KCTD8: variants seen among roughly 807,000 people sequenced by gnomAD.
KCTD8 encodes potassium channel tetramerization domain containing 8, also known as BTB/POZ domain-containing protein KCTD8.
KCTD8 carries 27 observed loss-of-function variants against 31.5 expected under a neutral mutation model. The observed-to-expected ratio is 0.86, with a 90% CI of 0.63 to 1.18. KCTD8 has a LOEUF of 1.18. Among genes scored for constraint, KCTD8 ranks in the 50% most tolerant of loss-of-function variants. The pLI is 0.00. For synonymous variants in KCTD8, 290 were observed against 280.0 expected (o/e 1.04, Z -0.36); for missense variants, 658 against 647.7 (o/e 1.02, Z -0.17).
chr4:44,286,541 T>C (rs944595984), intron 1 of KCTD8, among the ~76,000 whole-genome samples: 2 of 152,052 alleles, frequency 1.3e-5, no homozygotes, highest in South Asian at 2.1e-4. Context: ...ACAAATGCAA[T>C]AGTCTCCTAA....
chr4:44,348,363 T>C (rs1719088058), intron 1 of KCTD8, among the ~76,000 whole-genome samples: 1 of 152,176 alleles, frequency 6.6e-6, no homozygotes, highest in Admixed American at 6.6e-5. Flanking sequence ...AATATAGGTG[T>C]AAATCAATTT....
chr4:44,196,874 A>G (rs1017725279), intron 1 of KCTD8, among the ~76,000 whole-genome samples: 6 of 152,216 alleles, frequency 3.9e-5, no homozygotes, highest in Non-Finnish European at 7.4e-5. Context: ...ATCCCTGAAT[A>G]GCCTAGTATC....
intron 1 of KCTD8, among the ~76,000 whole-genome samples, chr4:44,396,325 C>A (rs1173971242): frequency 6.6e-6 from 1 of 152,102 alleles, no homozygotes. Context: ...TCATCACTCA[C>A]CTCCTGCTTT....
Position 44,401,011 on chromosome 4 carries a change from C to CCTT in KCTD8, c.961+46551_961+46552insAAG, listed in dbSNP as rs1553905940. On this transcript the variant is annotated intron_variant, in intron 1 of 1. Coordinates refer to ENST00000360029, the MANE Select transcript of KCTD8 (RefSeq NM_198353.3). The stretch of plus-strand genomic sequence containing the variant: ...ACTACCATGATGGCTAATTTTCTTT[C>CCTT]TTTTTTTTTTTTTTTTTTTTTTGTA... 7.5e-4 allele frequency among the ~76,000 whole-genome samples: 72 copies of CCTT among 95,910 alleles called. 1 individual carries two copies. Among genetic ancestry groups the CCTT allele is most frequent in the African/African-American group, 2.6e-3 (66 of 25,064 alleles). The allele number at this position is 95,910 out of a possible 152,430, so 62.9% of individuals were successfully genotyped here. A position where few individuals can be genotyped will look rare whatever the true frequency, so the allele number is the denominator to read the frequency against.
chr4:44,382,148 T>TTGGGAA (rs1720081449), intron 1 of KCTD8, among the ~76,000 whole-genome samples: 2 of 151,900 alleles, frequency 1.3e-5, no homozygotes, highest in African/African-American at 4.8e-5. Flanking sequence ...AATACCCCAC[T>TTGGGAA]CTCCACTCTC....
At chr4:44,199,014 A>C (rs569673410) in intron 1 of KCTD8, among the ~76,000 whole-genome samples, 24 of 152,294 alleles carry the variant, frequency 1.6e-4, no homozygotes, top group African/African-American at 5.3e-4. Flanking sequence ...ATATTGAATA[A>C]AACAGACTTT....
intron 1 of KCTD8, among the ~76,000 whole-genome samples, chr4:44,302,466 T>C (rs1318633113): frequency 6.6e-6 from 1 of 152,154 alleles, no homozygotes; most frequent in African/African-American, 2.4e-5. Context: ...AAGTATTTTA[T>C]TCTCTTTGAA....
chr4:44,214,243 T>C (rs1407940641), intron 1 of KCTD8, among the ~76,000 whole-genome samples: 4 of 152,200 alleles, frequency 2.6e-5, no homozygotes, highest in Non-Finnish European at 4.4e-5. Flanking sequence ...ATCTGTTTTA[T>C]GTCAATTTAG....
chr4:44,214,467 G>C (rs1714589180), intron 1 of KCTD8, among the ~76,000 whole-genome samples: 1 of 152,076 alleles, frequency 6.6e-6, no homozygotes, highest in Admixed American at 6.5e-5. Context: ...TCAATAACCT[G>C]TACATACAGT....
chr4:44,274,386 T>C (rs1716695102), intron 1 of KCTD8, among the ~76,000 whole-genome samples: 1 of 151,854 alleles, frequency 6.6e-6, no homozygotes, highest in African/African-American at 2.4e-5. Flanking sequence ...TTACTTTTAA[T>C]GCAACAACCT....
chr4:44,212,960 T>C (rs575030841), intron 1 of KCTD8, among the ~76,000 whole-genome samples: 59 of 152,238 alleles, frequency 3.9e-4, no homozygotes, highest in Admixed American at 9.8e-4. Flanking sequence ...GTTTTTGAGA[T>C]GGAGTCTCGT....
intron 1 of KCTD8, among the ~76,000 whole-genome samples, chr4:44,399,150 G>T (rs1052075467): frequency 6.6e-6 from 1 of 152,110 alleles, no homozygotes; most frequent in African/African-American, 2.4e-5. Flanking sequence ...ACCTAAGGGG[G>T]CTGATCAACA....
chr4:44,382,115 A>C (rs1325605361), intron 1 of KCTD8, among the ~76,000 whole-genome samples: 1 of 152,048 alleles, frequency 6.6e-6, no homozygotes, highest in Admixed American at 6.6e-5. Flanking sequence ...ACAGACTCTA[A>C]TATAATACTA....
chr4:44,378,985 C>T (rs1333822475), intron 1 of KCTD8, among the ~76,000 whole-genome samples: 1 of 152,128 alleles, frequency 6.6e-6, no homozygotes. Context: ...ATGACCCCAT[C>T]TTTCATCTTC....
chr4:44,278,373 C>T (rs1001549300), intron 1 of KCTD8, among the ~76,000 whole-genome samples: 4 of 151,904 alleles, frequency 2.6e-5, no homozygotes, highest in Non-Finnish European at 5.9e-5. Flanking sequence ...TCTGTCTATT[C>T]CTGTGGCAGG....
chr4:44,277,416 AAACAGTACACT>A (rs1716781866), intron 1 of KCTD8, among the ~76,000 whole-genome samples: 1 of 151,922 alleles, frequency 6.6e-6, no homozygotes, highest in Non-Finnish European at 1.5e-5. Flanking sequence ...TCTTGAAAAG[AAACAGTACACT>A]AACAGTACAC....
intron 1 of KCTD8, among the ~76,000 whole-genome samples, chr4:44,293,012 T>C (rs1220857710): frequency 6.6e-6 from 1 of 152,106 alleles, no homozygotes; most frequent in Non-Finnish European, 1.5e-5. Flanking sequence ...CAAGACTCTT[T>C]GTAGATAAGG....
chr4:44,326,410 T>C (rs1316009986), intron 1 of KCTD8, among the ~76,000 whole-genome samples: 1 of 151,772 alleles, frequency 6.6e-6, no homozygotes, highest in Non-Finnish European at 1.5e-5. Flanking sequence ...ATTTATATTA[T>C]AAGTTGATTT....
chr4:44,222,002 TA>T (rs1439858631), intron 1 of KCTD8, among the ~76,000 whole-genome samples: 2 of 152,148 alleles, frequency 1.3e-5, no homozygotes, highest in Admixed American at 6.5e-5. Context: ...TATTCAACAA[TA>T]AAATCAATAA....
Sources: allele counts gnomAD v4.1 joint callset (sites outside exome capture counted in the v4.1 genomes callset), GRCh38; gene constraint gnomAD v4.1.1; transcripts MANE v1.5; gene names NCBI Gene and HGNC (gene_info 2026-07-23, HGNC 2026-07-21).